The following ARHGAP42 variants were observed in gnomAD, a reference collection of about 807,000 sequenced individuals.
The protein encoded by ARHGAP42 is Rho GTPase activating protein 42, also known as rho GTPase-activating protein 42.
A neutral mutation model predicts 125.0 loss-of-function variants in ARHGAP42; 63 were observed. That is an observed-to-expected ratio of 0.50 (90% CI 0.41 to 0.62). The LOEUF (loss-of-function observed/expected upper bound fraction) is 0.62. Among genes scored for constraint, ARHGAP42 ranks in the 20% least tolerant of loss-of-function variants. The pLI is 0.00. For synonymous variants in ARHGAP42, 339 were observed against 351.0 expected (o/e 0.97, Z 0.38); for missense variants, 766 against 1,024.2 (o/e 0.75, Z 3.44).
At chr11:100,745,420 C>G (rs941221478) in intron 1 of ARHGAP42, among the ~76,000 whole-genome samples, 1 of 152,156 alleles carries the variant, frequency 6.6e-6, no homozygotes, top group African/African-American at 2.4e-5. Flanking sequence ...TTATGAGCCT[C>G]TGCAGCAACC....
At chr11:100,981,039 A>G (rs1320391503) in intron 22 of ARHGAP42, among the ~76,000 whole-genome samples, 2 of 152,222 alleles carry the variant, frequency 1.3e-5, no homozygotes, top group African/African-American at 4.8e-5. Context: ...ACAGGGGAAC[A>G]TGAATGAACT....
At chr11:100,903,114 T>TGCGCGC (rs779395122) in intron 4 of ARHGAP42, among the ~76,000 whole-genome samples, 17 of 31,914 alleles carry the variant, frequency 5.3e-4, no homozygotes, top group East Asian at 5.3e-3. Flanking sequence ...CTGTCCAAGA[T>TGCGCGC]GCGCACACAC....
At chr11:100,965,411 A>G (rs973442626) in intron 16 of ARHGAP42, among the ~76,000 whole-genome samples, 1 of 152,170 alleles carries the variant, frequency 6.6e-6, no homozygotes, top group African/African-American at 2.4e-5. Flanking sequence ...GTATCAAAGT[A>G]TACAGTTCAG....
intron 1 of ARHGAP42, among the ~76,000 whole-genome samples, chr11:100,762,427 A>T (rs977726039): frequency 8.5e-5 from 13 of 152,118 alleles, no homozygotes; most frequent in African/African-American, 3.1e-4. Context: ...CCCTTGCTTC[A>T]TGGCAGTGTT....
At chr11:100,728,714 GTA>G (rs57293905) in intron 1 of ARHGAP42, among the ~76,000 whole-genome samples, 1,019 of 70,224 alleles carry the variant, frequency 0.015, 8 homozygotes, top group East Asian at 0.04. Context: ...ATGACTTTGC[GTA>G]TATATATATA....
chr11:100,936,750 A>C (rs550504878), intron 8 of ARHGAP42, among the ~76,000 whole-genome samples: 1 of 152,292 alleles, frequency 6.6e-6, no homozygotes, highest in African/African-American at 2.4e-5. Flanking sequence ...ATTGGTAATC[A>C]TGGTAATGTC....
chr11:100,810,208 A>C (rs558064344), intron 3 of ARHGAP42, among the ~76,000 whole-genome samples: 2 of 152,198 alleles, frequency 1.3e-5, no homozygotes, highest in Non-Finnish European at 2.9e-5. Flanking sequence ...TTAAAAAAAA[A>C]TATAAAGATA....
At chr11:100,964,854 G>A (rs1233914357) in intron 16 of ARHGAP42, among the ~76,000 whole-genome samples, 1 of 152,148 alleles carries the variant, frequency 6.6e-6, no homozygotes, top group African/African-American at 2.4e-5. Flanking sequence ...TGTAAGATAA[G>A]GAGAGGAATC....
At chr11:100,881,002 A>G (rs1744034722) in intron 4 of ARHGAP42, among the ~76,000 whole-genome samples, 1 of 151,450 alleles carries the variant, frequency 6.6e-6, no homozygotes, top group African/African-American at 2.4e-5. Context: ...AGTCCTTTGT[A>G]TAGATTGTGA....
chr11:100,707,645 G>C (rs1283252886), intron 1 of ARHGAP42, among the ~76,000 whole-genome samples: 1 of 152,306 alleles, frequency 6.6e-6, no homozygotes, highest in East Asian at 1.9e-4. Flanking sequence ...AAGGACGAAA[G>C]AGGTGAAGGA....
intron 3 of ARHGAP42, among the ~76,000 whole-genome samples, chr11:100,816,086 A>G (rs2135067568): frequency 6.6e-6 from 1 of 152,228 alleles, no homozygotes; most frequent in South Asian, 2.1e-4. Context: ...CCTTTTAACT[A>G]TTGTGAATAA....
intron 2 of ARHGAP42, among the ~76,000 whole-genome samples, chr11:100,772,691 G>A (rs1181273079): frequency 6.6e-6 from 1 of 152,154 alleles, no homozygotes; most frequent in African/African-American, 2.4e-5. Flanking sequence ...TGACATTGGT[G>A]ATATAAACGT....
At chr11:100,854,925 A>G (rs151314241) in intron 3 of ARHGAP42, among the ~76,000 whole-genome samples, 137 of 152,304 alleles carry the variant, frequency 9.0e-4, no homozygotes, top group East Asian at 5.4e-3. Flanking sequence ...GAATGGGAAA[A>G]TAACCCATTC....
chr11:100,804,547 A>T (rs71476650), intron 3 of ARHGAP42, among the ~76,000 whole-genome samples: 1,524 of 144,708 alleles, frequency 0.011, 19 homozygotes, highest in Non-Finnish European at 0.016. Context: ...TAATTTTTAA[A>T]TTTTTTTTTT....
intron 2 of ARHGAP42, among the ~76,000 whole-genome samples, chr11:100,792,911 C>A (rs1565216203): frequency 6.6e-6 from 1 of 151,996 alleles, no homozygotes; most frequent in African/African-American, 2.4e-5. Context: ...CGCCACCACG[C>A]CCTGCTAATT....
At chr11:100,954,937 A>C (rs1347367163) in intron 12 of ARHGAP42, among the ~76,000 whole-genome samples, 1 of 152,184 alleles carries the variant, frequency 6.6e-6, no homozygotes, top group Non-Finnish European at 1.5e-5. Flanking sequence ...CTGAAACAGG[A>C]GATCAGCAAA....
intron 4 of ARHGAP42, among the ~76,000 whole-genome samples, chr11:100,903,709 A>AAAAAAATATAT (rs1332890022): frequency 1.6e-5 from 1 of 63,504 alleles, no homozygotes; most frequent in African/African-American, 6.8e-5. Flanking sequence ...TGTCCCTCAA[A>AAAAAAATATAT]ATATATATAT....
At chr11:100,973,861 C>T (rs1247050003) in intron 18 of ARHGAP42, among the ~76,000 whole-genome samples, 3 of 152,160 alleles carry the variant, frequency 2.0e-5, no homozygotes, top group Non-Finnish European at 4.4e-5. Flanking sequence ...AATTTGTAAT[C>T]CTTTTATCTC....
At chr11:100,870,306 A>C (rs1865667197) in intron 4 of ARHGAP42, among the ~76,000 whole-genome samples, 1 of 152,196 alleles carries the variant, frequency 6.6e-6, no homozygotes, top group South Asian at 2.1e-4. Flanking sequence ...AAACGTCTCC[A>C]TAGGACACAA....
Sources: allele counts gnomAD v4.1 joint callset (sites outside exome capture counted in the v4.1 genomes callset), GRCh38; gene constraint gnomAD v4.1.1; transcripts MANE v1.5; gene names NCBI Gene and HGNC (gene_info 2026-07-23, HGNC 2026-07-21).